Variants in TPH2 observed in about 807,000 individuals in gnomAD.
TPH2 encodes the protein tryptophan hydroxylase 2.
A neutral mutation model predicts 59.1 loss-of-function variants in TPH2; 27 were observed. The observed-to-expected ratio is 0.46, with a 90% CI of 0.34 to 0.63. The LOEUF (loss-of-function observed/expected upper bound fraction) is 0.63. Ranked by LOEUF, TPH2 falls within the 30% of genes least tolerant of loss-of-function variation. TPH2 has a pLI of 0.01. For synonymous variants in TPH2, 220 were observed against 210.5 expected (o/e 1.05, Z -0.39); for missense variants, 523 against 588.3 (o/e 0.89, Z 1.15).
At chr12:71,949,193 ATTAGG>A (rs1871279628) in intron 4 of TPH2, among the ~76,000 whole-genome samples, 1 of 152,250 alleles carries the variant, frequency 6.6e-6, no homozygotes, top group Non-Finnish European at 1.5e-5. Context: ...AGCAATTAAA[ATTAGG>A]TTAAGTTACT....
chr12:71,957,327 ATTTTT>A lies in TPH2; in HGVS notation c.608+7692_608+7696del, dbSNP rs35425528. On this transcript the variant is annotated intron_variant, in intron 5 of 10. Transcript: ENST00000333850. ...TAGGCTCATTTAAAATGAGTAAAGGATTTTTTTTTTTTTTTTTTTTTTTTGTGAGA... is the reference window on the plus strand; with the variant it reads ...TAGGCTCATTTAAAATGAGTAAAGGATTTTTTTTTTTTTTTTTTTGTGAGA... 4.2e-5 allele frequency among the ~76,000 whole-genome samples: 4 copies of A among 95,594 alleles called. No homozygotes were observed. The East Asian group carries it at 1.0e-3, about 24-fold the overall frequency. The allele number at this position is 95,594 out of a possible 152,430, so 62.7% of individuals were successfully genotyped here. A position where few individuals can be genotyped will look rare whatever the true frequency, so the allele number is the denominator to read the frequency against.
At chr12:71,994,045 A>C (rs1020740121) in intron 7 of TPH2, among the ~76,000 whole-genome samples, 5 of 152,228 alleles carry the variant, frequency 3.3e-5, no homozygotes, top group African/African-American at 1.2e-4. Flanking sequence ...GCAATGGACC[A>C]GATTTGGACC....
At chr12:71,952,854 C>A (rs1461890261) in intron 5 of TPH2, among the ~76,000 whole-genome samples, 4 of 152,170 alleles carry the variant, frequency 2.6e-5, no homozygotes, top group African/African-American at 9.7e-5. Flanking sequence ...CCTCACACAT[C>A]GCCCAACACA....
At chr12:72,013,016 C>A (rs1873141028) in intron 8 of TPH2, among the ~76,000 whole-genome samples, 2 of 152,136 alleles carry the variant, frequency 1.3e-5, no homozygotes, top group African/African-American at 4.8e-5. Context: ...AAGAAACACA[C>A]AGAAAAATTC....
chr12:71,987,533 T>G (rs1459395491), intron 7 of TPH2, among the ~76,000 whole-genome samples: 1 of 152,206 alleles, frequency 6.6e-6, no homozygotes, highest in Non-Finnish European at 1.5e-5. Context: ...TTTCAATGCA[T>G]TCTCTTACTA....
At chr12:71,982,566 C>G (rs1872315050) in intron 7 of TPH2, among the ~76,000 whole-genome samples, 1 of 152,208 alleles carries the variant, frequency 6.6e-6, no homozygotes, top group Non-Finnish European at 1.5e-5. Context: ...TAATTTGAAT[C>G]TATGGGTACT....
chr12:71,984,952 T>G (rs1035420072), intron 7 of TPH2, among the ~76,000 whole-genome samples: 15 of 152,190 alleles, frequency 9.9e-5, no homozygotes, highest in African/African-American at 3.6e-4. Flanking sequence ...TCCTTCAGCA[T>G]AGATAATCTT....
chr12:71,942,820 TAATGGA>T, intron 2 of TPH2, among the ~76,000 whole-genome samples: 1 of 152,294 alleles, frequency 6.6e-6, no homozygotes, highest in East Asian at 1.9e-4. Context: ...TAAACAGTGG[TAATGGA>T]AATCTGAGGA....
chr12:71,961,945 G>T, intron 5 of TPH2: 2 of 1,052,388 alleles, frequency 1.9e-6, no homozygotes, highest in Non-Finnish European at 2.3e-6. Flanking sequence ...GTTTTTGTTT[G>T]CTCCCATCTG....
At chr12:72,003,714 A>G (rs1309303738) in intron 8 of TPH2, among the ~76,000 whole-genome samples, 1 of 152,166 alleles carries the variant, frequency 6.6e-6, no homozygotes, top group Non-Finnish European at 1.5e-5. Context: ...TTTGCCATCT[A>G]TTTATATTAT....
intron 8 of TPH2, among the ~76,000 whole-genome samples, chr12:72,007,527 C>G (rs1326221279): frequency 4.6e-5 from 7 of 152,112 alleles, no homozygotes; most frequent in Non-Finnish European, 1.0e-4. Flanking sequence ...AAGATGGCTT[C>G]ATTAACATAC....
At chr12:71,963,184 C>T (rs1338237420) in intron 5 of TPH2, among the ~76,000 whole-genome samples, 1 of 51,598 alleles carries the variant, frequency 1.9e-5, no homozygotes, top group African/African-American at 5.4e-5. Context: ...CCGGGCATTA[C>T]TGATAATATT....
chr12:71,960,161 A>G (rs1010170685), intron 5 of TPH2, among the ~76,000 whole-genome samples: 2 of 152,232 alleles, frequency 1.3e-5, no homozygotes, highest in Non-Finnish European at 2.9e-5. Flanking sequence ...AAATATTTGT[A>G]GTACTGGGGT....
chr12:71,997,632 T>TC (rs1872726351), intron 8 of TPH2, among the ~76,000 whole-genome samples: 1 of 152,142 alleles, frequency 6.6e-6, no homozygotes, highest in Non-Finnish European at 1.5e-5. Flanking sequence ...TTTCACCATC[T>TC]CTTTTTCTCT....
chr12:71,979,135 A>G (rs1872201729), intron 7 of TPH2, 48 bp downstream of exon 7: 3 of 1,611,326 alleles, frequency 1.9e-6, no homozygotes, highest in Non-Finnish European at 2.5e-6. Flanking sequence ...AAAGTGGTCA[A>G]TGATCCCTTT....
intron 4 of TPH2, among the ~76,000 whole-genome samples, chr12:71,945,679 T>G (rs1662288555): frequency 6.6e-6 from 1 of 152,158 alleles, no homozygotes; most frequent in African/African-American, 2.4e-5. Context: ...AGCCCGCCCT[T>G]AAGTTTGAGA....
chr12:72,009,145 T>C (rs986611966), intron 8 of TPH2, among the ~76,000 whole-genome samples: 1 of 152,192 alleles, frequency 6.6e-6, no homozygotes, highest in Non-Finnish European at 1.5e-5. Flanking sequence ...GAGTTGCTGT[T>C]GTTCCCTTAG....
intron 6 of TPH2, among the ~76,000 whole-genome samples, chr12:71,977,154 C>T (rs932745027): frequency 3.3e-5 from 5 of 152,160 alleles, no homozygotes; most frequent in Non-Finnish European, 5.9e-5. Context: ...TAGGCTCAAG[C>T]GATTCTTGTG....
At chr12:71,990,966 C>T (rs1872568394) in intron 7 of TPH2, among the ~76,000 whole-genome samples, 1 of 152,192 alleles carries the variant, frequency 6.6e-6, no homozygotes, top group Non-Finnish European at 1.5e-5. Context: ...AACAATATAA[C>T]TTACTCTGCT....
Sources: gnomAD v4.1 joint callset for allele counts (sites outside exome capture counted in the v4.1 genomes callset) on GRCh38, gnomAD v4.1.1 for gene constraint, MANE v1.5 for transcripts, NCBI Gene and HGNC (gene_info 2026-07-23, HGNC 2026-07-21) for gene names.